C2orf92: variants seen among roughly 807,000 people sequenced by gnomAD.
C2orf92 encodes chromosome 2 open reading frame 92.
chr2:97,694,318 C>G (rs1040130220), intron 5 of C2orf92: 5 of 151,404 alleles, frequency 3.3e-5, no homozygotes, highest in African/African-American at 1.2e-4. Flanking sequence ...TGGCTCACTG[C>G]AACCTCCTCC....
intron 3 of C2orf92, among the ~76,000 whole-genome samples, chr2:97,681,451 G>A (rs1392099546): frequency 6.6e-6 from 1 of 152,148 alleles, no homozygotes; most frequent in Non-Finnish European, 1.5e-5. Flanking sequence ...ATGGGTCAAA[G>A]AAGAAATCAC....
At chr2:97,676,172 A>G (rs558765639) in intron 3 of C2orf92, among the ~76,000 whole-genome samples, 2 of 152,264 alleles carry the variant, frequency 1.3e-5, no homozygotes, top group East Asian at 1.9e-4. Context: ...CAGGGCTACC[A>G]TCTGGTAGTG....
intron 3 of C2orf92, among the ~76,000 whole-genome samples, chr2:97,684,266 A>G (rs1675879154): frequency 6.6e-6 from 1 of 151,880 alleles, no homozygotes; most frequent in African/African-American, 2.4e-5. Context: ...CGATCCCCTG[A>G]CCTCGTGATC....
chr2:97,665,235 C>G (rs1242768011), upstream of C2orf92, among the ~76,000 whole-genome samples: 2 of 152,188 alleles, frequency 1.3e-5, no homozygotes, highest in Admixed American at 1.3e-4. Flanking sequence ...ATATATACCT[C>G]TCCCAATGGG....
Position 97,685,141 on chromosome 2 carries a change from G to T in C2orf92, c.233-3754G>T, listed in dbSNP as rs184110293. 2.5e-3 allele frequency among the ~76,000 whole-genome samples: 376 copies of T among 152,010 alleles called. 2 individuals are homozygous for T. The highest frequency in any genetic ancestry group is 8.6e-3 in the African/African-American group (356 of 41,468). On this transcript the variant is annotated intron_variant, in intron 3 of 7. Transcript: ENST00000627399. ...AGACAGGGTTTCACTGTGTTAGCCA[G>T]GATGGTCTCGATCTCCTGACCTCGT... is the stretch of plus-strand genomic sequence containing the variant.
Position 97,701,172 on chromosome 2 carries a change from TGCCCTGCGGGCA to T in C2orf92, c.536_547del (p.Pro179_Gln182del). 1 of 399,100 alleles carries T rather than the reference TGCCCTGCGGGCA, an allele frequency of 2.5e-6. No homozygotes were observed. The highest frequency in any genetic ancestry group is 4.4e-6 in the Non-Finnish European group (1 of 226,086). The allele number at this position is 399,100 out of a possible 1,614,324, so 24.7% of individuals were successfully genotyped here. A position where few individuals can be genotyped will look rare whatever the true frequency, so the allele number is the denominator to read the frequency against. ...CATTTAGATGCTCACTTTAGGACTA[TGCCCTGCGGGCA>T]GCTTCTGCACTTCCTGCAGAGGAAC... On this transcript the variant is annotated inframe_deletion, in exon 7 of 8. Coordinates refer to ENST00000627399, the MANE Select transcript of C2orf92 (RefSeq NM_001351368.2).
At chr2:97,664,024 G>A (rs1467542957), upstream of C2orf92, 9 of 413,418 alleles carry the variant, frequency 2.2e-5, no homozygotes, top group African/African-American at 1.3e-4. Context: ...TGCAGCCTAC[G>A]CGAGCCCCGC....
chr2:97,698,104 G>A (rs1355355730), intron 5 of C2orf92: 1 of 152,070 alleles, frequency 6.6e-6, no homozygotes, highest in African/African-American at 2.4e-5. Context: ...AGTCTTCCGG[G>A]GTGTGAGATT....
chr2:97,686,562 T>C (rs1675969846), intron 3 of C2orf92, among the ~76,000 whole-genome samples: 1 of 152,082 alleles, frequency 6.6e-6, no homozygotes, highest in Non-Finnish European at 1.5e-5. Context: ...TGGGATTACA[T>C]GCATGAGCTA....
intron 1 of C2orf92, chr2:97,664,589 A>G (rs1203052251): frequency 6.6e-6 from 1 of 150,950 alleles, no homozygotes; most frequent in Non-Finnish European, 1.5e-5. Context: ...TTACTGAAAT[A>G]GTCTCCGTAG....
At chr2:97,700,932 C>T (rs879033360) in intron 6 of C2orf92, among the ~76,000 whole-genome samples, 4 of 151,942 alleles carry the variant, frequency 2.6e-5, no homozygotes, top group African/African-American at 4.8e-5. Context: ...GGGGTTTCAC[C>T]GTCTTAGCCA....
upstream of C2orf92, chr2:97,664,033 G>A (rs1449448801): frequency 5.3e-6 from 2 of 379,904 alleles, no homozygotes; most frequent in Non-Finnish European, 8.7e-6. Context: ...CGCGAGCCCC[G>A]CGGGGCTTTC....
intron 3 of C2orf92, among the ~76,000 whole-genome samples, chr2:97,684,531 A>C (rs535300490): frequency 3.1e-4 from 47 of 152,352 alleles, no homozygotes; most frequent in Non-Finnish European, 6.0e-4. Context: ...CTTAGAAGTA[A>C]ACATAGGTGA....
In C2orf92 at chr2:97,677,644, C is replaced by T. The variant is rs542055417; in HGVS notation, c.232+1716C>T. 6.6e-5 allele frequency: 10 copies of T among 152,182 alleles called. No individual in the cohort carries two copies. In the South Asian group the frequency reaches 2.1e-3, roughly 32 times the overall value. The allele number at this position is 152,182 out of a possible 1,614,324, so 9.4% of individuals were successfully genotyped here. A position where few individuals can be genotyped will look rare whatever the true frequency, so the allele number is the denominator to read the frequency against. Reference sequence around the variant, plus strand: ...AATACACAGAATGTCCATCTCTCAACGTAAAATTATAAAACATACAAAGAA... The same window carrying T: ...AATACACAGAATGTCCATCTCTCAATGTAAAATTATAAAACATACAAAGAA... On this transcript the variant is annotated intron_variant, in intron 3 of 7. Transcript: ENST00000627399.
chr2:97,677,107 G>C (rs1206823848), intron 3 of C2orf92, among the ~76,000 whole-genome samples: 1 of 152,198 alleles, frequency 6.6e-6, no homozygotes, highest in Non-Finnish European at 1.5e-5. Context: ...CAACATTTTG[G>C]GTAGTGGCTG....
chr2:97,673,889 A>T (rs1675490585), intron 1 of C2orf92, among the ~76,000 whole-genome samples: 1 of 152,076 alleles, frequency 6.6e-6, no homozygotes, highest in African/African-American at 2.4e-5. Flanking sequence ...GATCTTTAGG[A>T]GGGTGGGCTT....
At chr2:97,701,351 A>G (rs781557974) in intron 7 of C2orf92, 47 bp downstream of exon 7, 7 of 397,882 alleles carry the variant, frequency 1.8e-5, no homozygotes, top group Non-Finnish European at 3.1e-5. Flanking sequence ...CGCGGGTGTT[A>G]GAACTCACGC....
intron 1 of C2orf92, 47 bp from the exon 2 acceptor site, chr2:97,674,409 A>G: frequency 2.5e-6 from 1 of 398,486 alleles, no homozygotes; most frequent in Middle Eastern, 6.3e-4. Flanking sequence ...TTAGGTACTT[A>G]GCAAAATATT....
At chr2:97,697,582 T>C (rs946404333) in intron 5 of C2orf92, among the ~76,000 whole-genome samples, 1 of 152,214 alleles carries the variant, frequency 6.6e-6, no homozygotes, top group African/African-American at 2.4e-5. Context: ...TTGGGAGTTT[T>C]CTCTCTTTTC....
Sources: gnomAD v4.1 joint callset for allele counts (sites outside exome capture counted in the v4.1 genomes callset) on GRCh38, gnomAD v4.1.1 for gene constraint, MANE v1.5 for transcripts, NCBI Gene and HGNC (gene_info 2026-07-23, HGNC 2026-07-21) for gene names.